IGSF21: variants seen among roughly 807,000 people sequenced by gnomAD.
IGSF21 encodes the protein immunoglobin superfamily member 21.
Under a neutral mutation model 46.8 loss-of-function variants are expected in IGSF21, and 28 were observed. The observed-to-expected ratio is 0.60, with a 90% CI of 0.44 to 0.82. The LOEUF (loss-of-function observed/expected upper bound fraction) is 0.82, where lower values mean the gene tolerates loss of function less well. Ranked by LOEUF, IGSF21 falls within the 40% of genes least tolerant of loss-of-function variation. The pLI, the probability that IGSF21 is intolerant of heterozygous loss-of-function variation, is 0.00. For missense variants in IGSF21, 624 were observed against 665.5 expected (o/e 0.94, Z 0.69); for synonymous variants, 284 against 273.6 (o/e 1.04, Z -0.38).
intron 1 of IGSF21, among the ~76,000 whole-genome samples, chr1:18,208,815 A>C (rs1445296159): frequency 6.6e-6 from 1 of 152,146 alleles, no homozygotes; most frequent in African/African-American, 2.4e-5. Context: ...ACACAATGAG[A>C]TACTAACCAG....
In IGSF21 at chr1:18,285,858, C is replaced by T. The variant is rs76470517; in HGVS notation, c.184-6008C>T. On this transcript the variant is annotated intron_variant, in intron 2 of 9. Coordinates refer to ENST00000251296, the MANE Select transcript of IGSF21 (RefSeq NM_032880.5). ...GGTGATGTTTGCAAGCAATATCTGG[C>T]ACAGGGTAGGCGCCAATGTATGCCA... 1.9e-3 allele frequency among the ~76,000 whole-genome samples: 283 copies of T among 152,318 alleles called. 1 individual carries two copies. Among genetic ancestry groups the T allele is most frequent in the African/African-American group, 6.7e-3 (279 of 41,560 alleles).
intron 2 of IGSF21, among the ~76,000 whole-genome samples, chr1:18,261,597 C>T (rs936963399): frequency 6.6e-6 from 1 of 152,246 alleles, no homozygotes; most frequent in African/African-American, 2.4e-5. Context: ...GCACAACTGC[C>T]TCTGAGCTAT....
intron 6 of IGSF21, among the ~76,000 whole-genome samples, chr1:18,372,206 G>T (rs2086231582): frequency 1.3e-5 from 2 of 152,194 alleles, no homozygotes; most frequent in African/African-American, 4.8e-5. Flanking sequence ...CTGTTTAATA[G>T]TTAATTAATT....
chr1:18,278,279 GC>G (rs1426404966), intron 2 of IGSF21, among the ~76,000 whole-genome samples: 1 of 151,336 alleles, frequency 6.6e-6, no homozygotes, highest in African/African-American at 2.4e-5. Flanking sequence ...TCACTCTGTT[GC>G]CCAGGCTGGA....
intron 2 of IGSF21, among the ~76,000 whole-genome samples, chr1:18,257,241 C>G (rs943778608): frequency 6.6e-6 from 1 of 152,152 alleles, no homozygotes. Flanking sequence ...GAGCATCATG[C>G]CAGTGTTGAC....
At chr1:18,166,619 T>G (rs755547108) in intron 1 of IGSF21, among the ~76,000 whole-genome samples, 1 of 152,198 alleles carries the variant, frequency 6.6e-6, no homozygotes, top group Non-Finnish European at 1.5e-5. Context: ...ATTGCGATTT[T>G]CTTTATGAAT....
intron 2 of IGSF21, among the ~76,000 whole-genome samples, chr1:18,249,549 C>T (rs186742773): frequency 7.1e-4 from 108 of 152,192 alleles, no homozygotes; most frequent in Non-Finnish European, 4.9e-4. Flanking sequence ...CCTCTCTGGG[C>T]TTGGAGAGCT....
intron 1 of IGSF21, among the ~76,000 whole-genome samples, chr1:18,128,407 G>C (rs2086290981): frequency 1.3e-5 from 2 of 152,120 alleles, no homozygotes; most frequent in Non-Finnish European, 2.9e-5. Flanking sequence ...CTCAGCCCTG[G>C]TGTTGGCGTC....
intron 1 of IGSF21, among the ~76,000 whole-genome samples, chr1:18,156,118 G>A (rs2086566237): frequency 6.6e-6 from 1 of 152,194 alleles, no homozygotes; most frequent in Non-Finnish European, 1.5e-5. Context: ...GGGAGGGCCT[G>A]GGCTTCACCT....
intron 1 of IGSF21, 24 bp from the exon 2 acceptor site, chr1:18,227,874 A>G (rs777799986): frequency 1.9e-6 from 3 of 1,576,002 alleles, no homozygotes; most frequent in South Asian, 2.2e-5. Context: ...TGCCCTTACC[A>G]CCCCTTTCTC....
chr1:18,123,762 G>A lies in IGSF21; in HGVS notation c.70+15564G>A, dbSNP rs1307194623. 5.3e-5 allele frequency among the ~76,000 whole-genome samples: 8 copies of A among 152,192 alleles called. No homozygotes were observed. In the South Asian group the frequency reaches 1.0e-3, roughly 20 times the overall value. On this transcript the variant is annotated intron_variant, in intron 1 of 9. Transcript: ENST00000251296. ...ATAGGCTGGAAAGGGCCTGGGGCAC[G>A]TGGGAGAGTCGGGAGGCAGGGGTGA...
chr1:18,307,594 G>C (rs1419493181), intron 3 of IGSF21, among the ~76,000 whole-genome samples: 1 of 152,198 alleles, frequency 6.6e-6, no homozygotes. Context: ...CTCAGCAACA[G>C]GGCACAGGCT....
chr1:18,264,974 G>C (rs567888520), intron 2 of IGSF21, among the ~76,000 whole-genome samples: 1 of 152,200 alleles, frequency 6.6e-6, no homozygotes, highest in African/African-American at 2.4e-5. Flanking sequence ...TACAGTGGTC[G>C]TGAGCATGAT....
At chr1:18,196,234 C>T (rs1474766779) in intron 1 of IGSF21, among the ~76,000 whole-genome samples, 1 of 151,996 alleles carries the variant, frequency 6.6e-6, no homozygotes, top group Middle Eastern at 3.2e-3. Context: ...GAGGATGCCA[C>T]CTTATAATCC....
Position 18,116,228 on chromosome 1 carries a change from G to A in IGSF21, c.70+8030G>A, listed in dbSNP as rs79554240. Among the ~76,000 whole-genome samples, 772 of 152,224 alleles carry A rather than the reference G, an allele frequency of 5.1e-3. 6 individuals carry two copies. The highest frequency in any genetic ancestry group is 0.01 in the Middle Eastern group (3 of 294). On this transcript the variant is annotated intron_variant, in intron 1 of 9. Coordinates refer to ENST00000251296, the MANE Select transcript of IGSF21 (RefSeq NM_032880.5). Reference sequence around the variant, plus strand: ...AATGGAAATCGGCAAACTATACATTGGGGCCTCCCTCACCCGAGAATTGGT... The same window carrying A: ...AATGGAAATCGGCAAACTATACATTAGGGCCTCCCTCACCCGAGAATTGGT...
At chr1:18,374,397 C>T (rs996878593) in intron 6 of IGSF21, among the ~76,000 whole-genome samples, 6 of 152,202 alleles carry the variant, frequency 3.9e-5, no homozygotes, top group South Asian at 2.1e-4. Context: ...ATGTTCCTAA[C>T]GGCCCCGCGT....
chr1:18,183,652 T>C (rs775139830), intron 1 of IGSF21, among the ~76,000 whole-genome samples: 2 of 152,196 alleles, frequency 1.3e-5, no homozygotes, highest in Admixed American at 6.5e-5. Flanking sequence ...CACAGATTTA[T>C]GGTGGGTGGA....
intron 1 of IGSF21, among the ~76,000 whole-genome samples, chr1:18,203,315 T>G (rs751459447): frequency 3.9e-5 from 6 of 152,032 alleles, no homozygotes; most frequent in African/African-American, 7.3e-5. Flanking sequence ...TTTGTTTTGT[T>G]TTGTGTTGTT....
chr1:18,263,117 T>G (rs1192996624), intron 2 of IGSF21, among the ~76,000 whole-genome samples: 2 of 151,920 alleles, frequency 1.3e-5, no homozygotes, highest in Non-Finnish European at 2.9e-5. Context: ...AGAGGAGAGG[T>G]CAATGGTGGA....
Sources: gnomAD v4.1 joint callset for allele counts (sites outside exome capture counted in the v4.1 genomes callset) on GRCh38, gnomAD v4.1.1 for gene constraint, MANE v1.5 for transcripts, NCBI Gene and HGNC (gene_info 2026-07-23, HGNC 2026-07-21) for gene names.